DLGAP2: variants seen among roughly 807,000 people sequenced by gnomAD.
DLGAP2 encodes the protein DLG associated protein 2, also known as disks large-associated protein 2.
Under a neutral mutation model 100.3 loss-of-function variants are expected in DLGAP2, and 26 were observed. The observed-to-expected ratio is 0.26, with a 90% CI of 0.19 to 0.36. The LOEUF is 0.36. Among genes scored for constraint, DLGAP2 ranks in the 10% least tolerant of loss-of-function variants. DLGAP2 has a pLI of 1.00. For synonymous variants in DLGAP2, 886 were observed against 630.1 expected, an observed-to-expected ratio of 1.41 and a Z score of -6.08; for missense variants, 1,858 against 1,453.2, an observed-to-expected ratio of 1.28 and a Z score of -4.53.
intron 3 of DLGAP2, among the ~76,000 whole-genome samples, chr8:1,431,108 T>G (rs775153639): frequency 6.6e-6 from 1 of 152,234 alleles, no homozygotes; most frequent in Non-Finnish European, 1.5e-5. Flanking sequence ...ACTACTATTA[T>G]TTCAATTGTT....
intron 6 of DLGAP2, among the ~76,000 whole-genome samples, chr8:1,580,235 C>T (rs892677223): frequency 2.6e-5 from 4 of 152,100 alleles, no homozygotes; most frequent in African/African-American, 7.2e-5. Flanking sequence ...GATCAAGCAG[C>T]GGCACAGTGG....
Position 1,359,066 on chromosome 8 carries a change from G to A in DLGAP2, c.106+100183G>A, listed in dbSNP as rs575637262. Among the ~76,000 whole-genome samples the A allele has an allele frequency of 3.5e-4, 53 of 152,314 alleles. 1 individual carries two copies. Among genetic ancestry groups the A allele is most frequent in the Admixed American group, 3.2e-3 (49 of 15,296 alleles). On this transcript the variant is annotated intron_variant, in intron 3 of 14. Transcript: ENST00000637795. ...TTCGGCAGGTCGGGGTGGGGCCCACGATTCTGCATTTCTAGCAAATTCCCA... is the reference window on the plus strand; with the variant it reads ...TTCGGCAGGTCGGGGTGGGGCCCACAATTCTGCATTTCTAGCAAATTCCCA...
In DLGAP2 at chr8:771,715, A is replaced by C. The variant is rs999472204; in HGVS notation, c.18+33890A>C. On this transcript the variant is annotated intron_variant, in intron 1 of 14. Transcript: ENST00000637795. ...GGCTCTGCCCCACTGTTAGGTGAAAATATTTATCCTCAGAAGCTCCTTTAT... is the reference window on the plus strand; with the variant it reads ...GGCTCTGCCCCACTGTTAGGTGAAACTATTTATCCTCAGAAGCTCCTTTAT... 1.2e-4 allele frequency among the ~76,000 whole-genome samples: 18 copies of C among 152,352 alleles called. No homozygotes were observed. The East Asian group carries it at 3.5e-3, about 29-fold the overall frequency.
chr8:1,447,842 C>T (rs1798024288), intron 3 of DLGAP2, among the ~76,000 whole-genome samples: 1 of 152,158 alleles, frequency 6.6e-6, no homozygotes. Context: ...GGAATTTATC[C>T]ATTTCTTCTA....
intron 2 of DLGAP2, among the ~76,000 whole-genome samples, chr8:1,179,223 T>C (rs1270114497): frequency 2.6e-5 from 4 of 152,250 alleles, no homozygotes; most frequent in Non-Finnish European, 5.9e-5. Flanking sequence ...CTTTGCAATT[T>C]GGGAGATGGG....
intron 1 of DLGAP2, among the ~76,000 whole-genome samples, chr8:899,464 A>G (rs1205876299): frequency 1.3e-5 from 2 of 152,214 alleles, no homozygotes; most frequent in Non-Finnish European, 2.9e-5. Flanking sequence ...CATGGGTGTT[A>G]CACGGGGTAC....
intron 2 of DLGAP2, among the ~76,000 whole-genome samples, chr8:1,104,634 A>T (rs985753225): frequency 1.2e-4 from 19 of 152,268 alleles, no homozygotes; most frequent in African/African-American, 4.6e-4. Context: ...CTGCTCCAGG[A>T]AATCGCCGCC....
At chr8:1,661,812 T>G (rs779876901) in intron 8 of DLGAP2, among the ~76,000 whole-genome samples, 5 of 152,232 alleles carry the variant, frequency 3.3e-5, no homozygotes, top group Non-Finnish European at 7.3e-5. Flanking sequence ...GTTTCTATGT[T>G]TATCTAAAGA....
In DLGAP2 at chr8:1,668,414, G is replaced by C. The variant is rs1305290470; in HGVS notation, c.1896G>C (p.Gln632His). Residue 632 changes from glutamine (Q) to histidine (H), a missense_variant, in exon 9 of 15, where the codon CAG (glutamine) becomes CAC (histidine). Physicochemically the swap from Gln to His is conservative, Grantham distance 24. Transcript: ENST00000637795. ...AGCCTCTGATCTCGGTGACGGCGCA[G>C]AGCAGCACCGAATCCACCCAGGACG... is the stretch of plus-strand genomic sequence containing the variant. ...TSKPLISVTA[Q>H]SSTESTQDAY... The C allele has an allele frequency of 4.4e-6, 7 of 1,604,154 alleles. No individual in the cohort carries two copies. Among genetic ancestry groups the C allele is most frequent in the African/African-American group, 1.3e-5 (1 of 74,708 alleles).
intron 7 of DLGAP2, among the ~76,000 whole-genome samples, chr8:1,629,855 G>T (rs948607891): frequency 2.0e-5 from 3 of 152,286 alleles, no homozygotes; most frequent in East Asian, 1.9e-4. Flanking sequence ...GGCTCTTTGC[G>T]ACTCGTCGTC....
chr8:1,050,227 C>T (rs1029344775), intron 2 of DLGAP2, among the ~76,000 whole-genome samples: 1 of 152,180 alleles, frequency 6.6e-6, no homozygotes, highest in Non-Finnish European at 1.5e-5. Context: ...CTACAGTCCC[C>T]GATTTAACCA....
intron 1 of DLGAP2, among the ~76,000 whole-genome samples, chr8:749,782 G>T (rs1252594044): frequency 6.6e-6 from 1 of 152,226 alleles, no homozygotes. Context: ...AAACGGCAGA[G>T]CGCGCTCTTG....
intron 3 of DLGAP2, among the ~76,000 whole-genome samples, chr8:1,361,784 C>G (rs1563105560): frequency 6.6e-6 from 1 of 152,226 alleles, no homozygotes; most frequent in Non-Finnish European, 1.5e-5. Context: ...GGAGAAAACC[C>G]TCCAAGAATC....
chr8:1,563,013 G>C (rs1403078810), intron 5 of DLGAP2, among the ~76,000 whole-genome samples: 1 of 66,478 alleles, frequency 1.5e-5, no homozygotes, highest in Admixed American at 1.7e-4. Flanking sequence ...CTCGTTGCTG[G>C]GGGGCTGTGT....
chr8:968,378 G>A (rs182603705), intron 2 of DLGAP2, among the ~76,000 whole-genome samples: 51 of 152,290 alleles, frequency 3.3e-4, no homozygotes, highest in African/African-American at 1.2e-3. Context: ...CCTGTGAGCT[G>A]AAGTGACTTA....
chr8:971,141 G>C (rs1800004200), intron 2 of DLGAP2, among the ~76,000 whole-genome samples: 1 of 152,100 alleles, frequency 6.6e-6, no homozygotes, highest in South Asian at 2.1e-4. Context: ...GTGGTTTCGA[G>C]GACACCATCC....
chr8:1,181,421 T>A (rs913728806), intron 2 of DLGAP2, among the ~76,000 whole-genome samples: 2 of 152,190 alleles, frequency 1.3e-5, no homozygotes, highest in Non-Finnish European at 2.9e-5. Flanking sequence ...CCATCCATGT[T>A]CCTGCAGGGC....
intron 1 of DLGAP2, among the ~76,000 whole-genome samples, chr8:792,063 G>C (rs1414601292): frequency 6.6e-6 from 1 of 152,194 alleles, no homozygotes; most frequent in Non-Finnish European, 1.5e-5. Context: ...TTACCAATGT[G>C]AATTTTATCA....
intron 1 of DLGAP2, among the ~76,000 whole-genome samples, chr8:740,597 A>T (rs1441943656): frequency 6.6e-6 from 1 of 152,242 alleles, no homozygotes; most frequent in Non-Finnish European, 1.5e-5. Flanking sequence ...AATTTAAATT[A>T]CATTGGATTC....
Sources: allele counts gnomAD v4.1 joint callset (sites outside exome capture counted in the v4.1 genomes callset), GRCh38; gene constraint gnomAD v4.1.1; transcripts MANE v1.5; gene names NCBI Gene and HGNC (gene_info 2026-07-23, HGNC 2026-07-21).